The following SLU7 variants were observed in gnomAD, a reference collection of about 807,000 sequenced individuals.
The protein encoded by SLU7 is spliceosome associated SLU7.
SLU7 carries 60 observed loss-of-function variants against 87.0 expected under a neutral mutation model. That is an observed-to-expected ratio of 0.69 (90% CI 0.56 to 0.86). The LOEUF (loss-of-function observed/expected upper bound fraction) is 0.86, where lower values mean the gene tolerates loss of function less well. Among genes scored for constraint, SLU7 ranks in the 40% least tolerant of loss-of-function variants. The pLI is 0.00. For synonymous variants in SLU7, 197 were observed against 222.0 expected (o/e 0.89, Z 1.00); for missense variants, 507 against 686.6 (o/e 0.74, Z 2.92).
intron 1 of SLU7, chr5:160,418,625 A>G (rs952846727): frequency 3.3e-5 from 5 of 152,104 alleles, no homozygotes; most frequent in African/African-American, 9.7e-5. Context: ...CCCGCATGAT[A>G]CCCCACTGAA....
chr5:160,404,682 T>C (rs1246454294), intron 14 of SLU7, 126 bp from the exon 15 acceptor site: 2 of 863,064 alleles, frequency 2.3e-6, no homozygotes, highest in South Asian at 3.1e-5. Context: ...GCCCAGACCG[T>C]GCACTGCGCT....
chr5:160,418,066 G>A (rs1201318691), intron 1 of SLU7, among the ~76,000 whole-genome samples: 2 of 152,150 alleles, frequency 1.3e-5, no homozygotes, highest in East Asian at 3.9e-4. Context: ...GGGGGTCTAC[G>A]ATGCTTCTCA....
At chr5:160,418,065 C>T (rs1467273468) in intron 1 of SLU7, among the ~76,000 whole-genome samples, 2 of 152,168 alleles carry the variant, frequency 1.3e-5, no homozygotes, top group South Asian at 2.1e-4. Flanking sequence ...TGGGGGTCTA[C>T]GATGCTTCTC....
intron 6 of SLU7, among the ~76,000 whole-genome samples, chr5:160,409,467 T>TATATATATATA (rs1202902589): frequency 2.6e-5 from 4 of 152,192 alleles, no homozygotes; most frequent in African/African-American, 4.8e-5. Flanking sequence ...AACACGTGTA[T>TATATATATATA]GTATATATAC....
intron 1 of SLU7, among the ~76,000 whole-genome samples, chr5:160,416,950 TC>T (rs1219865296): frequency 1.3e-5 from 2 of 152,176 alleles, no homozygotes; most frequent in African/African-American, 4.8e-5. Context: ...CATACTGTTC[TC>T]CTGGTAATGA....
At chr5:160,404,644 T>G in intron 14 of SLU7, 88 bp from the exon 15 acceptor site, 1 of 1,000,956 alleles carries the variant, frequency 1.0e-6, no homozygotes, top group East Asian at 2.5e-5. Context: ...AAGAATCACT[T>G]GAACCCAGGA....
intron 6 of SLU7, among the ~76,000 whole-genome samples, chr5:160,411,145 C>T (rs1366948710): frequency 2.0e-5 from 3 of 151,786 alleles, no homozygotes; most frequent in South Asian, 2.1e-4. Context: ...GGATTATAGG[C>T]GTCAGCCACC....
chr5:160,403,402 C>A lies in SLU7; in HGVS notation c.1644G>T (p.Arg548Ser), dbSNP rs1180598576. Reference sequence around the variant, plus strand: ...CATACATGCTATTGTAAGGCCGCTTCCTCTCATCAATCTGCATGGTCTCCT... The same window carrying A: ...CATACATGCTATTGTAAGGCCGCTTACTCTCATCAATCTGCATGGTCTCCT... Reference protein sequence around the residue: ...HVKETMQIDERKRPYNSMYET... With the variant: ...HVKETMQIDESKRPYNSMYET... The change falls in exon 16 of 16, where the codon AGG becomes AGT. Residue 548 changes from arginine to serine, a missense_variant. Transcript: ENST00000297151. 1.9e-6 allele frequency: 3 copies of A among 1,613,232 alleles called. No homozygotes were observed. Among genetic ancestry groups the A allele is most frequent in the Non-Finnish European group, 2.5e-6 (3 of 1,179,760 alleles).
At chr5:160,414,100 A>G in intron 3 of SLU7, 121 bp from the exon 4 acceptor site, 1 of 704,752 alleles carries the variant, frequency 1.4e-6, no homozygotes, top group Non-Finnish European at 2.3e-6. Flanking sequence ...AATAAGTTAG[A>G]GTCTCCACAC....
intron 7 of SLU7, 74 bp downstream of exon 7, chr5:160,408,575 AT>A (rs1435615757): frequency 1.4e-6 from 2 of 1,394,002 alleles, no homozygotes; most frequent in Non-Finnish European, 2.0e-6. Flanking sequence ...AAAAGCTATT[AT>A]TAGTGTTATT....
chr5:160,416,742 G>A (rs954133810), intron 1 of SLU7, among the ~76,000 whole-genome samples: 4 of 152,080 alleles, frequency 2.6e-5, no homozygotes, highest in Non-Finnish European at 4.4e-5. Flanking sequence ...CTACTTACTG[G>A]ACTCTTCTGA....
rs754819552 is a variant in SLU7 at position 160,404,809 on chromosome 5, C to T, written c.1464G>A (p.Glu488=). Residue 488 remains glutamate, a splice_region_variant and synonymous_variant, in exon 14 of 16, where the codon GAG becomes GAA. Coordinates refer to ENST00000297151, the MANE Select transcript of SLU7 (RefSeq NM_006425.5). ...ESVKKPQTLM[E]LHQEKLKEEK... ...TCAGGACAAATGATTATCAACTTAC[C>T]TCCATGAGGGTTTGAGGTTTTTTCA... 5 of 1,600,792 alleles carry T rather than the reference C, an allele frequency of 3.1e-6. No homozygotes were observed. The highest frequency in any genetic ancestry group is 2.2e-5 in the East Asian group (1 of 44,832).
intron 5 of SLU7, 31 bp from the exon 6 acceptor site, chr5:160,412,550 GA>G: frequency 2.1e-6 from 2 of 949,290 alleles, no homozygotes; most frequent in Non-Finnish European, 2.9e-6. Flanking sequence ...AAGAAAGAAA[GA>G]AAAAGTAAAC....
At position 160,401,695 on chromosome 5, in the gene SLU7, G is replaced by A. The variant is rs1030122197; in HGVS notation, c.*1590C>T. Reference sequence around the variant, plus strand: ...TTTAACAAAAGATAAAATACAAAACGGACACAACATCAGCCTTTATGTTGA... The same window carrying A: ...TTTAACAAAAGATAAAATACAAAACAGACACAACATCAGCCTTTATGTTGA... On this transcript the variant is annotated 3_prime_UTR_variant, in exon 16 of 16. Coordinates refer to ENST00000297151, the MANE Select transcript of SLU7 (RefSeq NM_006425.5). 1.3e-5 allele frequency: 2 copies of A among 152,072 alleles called. No homozygotes were observed. Among genetic ancestry groups the A allele is most frequent in the African/African-American group, 2.4e-5 (1 of 41,392 alleles). 9.4% of individuals were successfully genotyped at this position (152,072 alleles called of 1,614,324 possible). A position where few individuals can be genotyped will look rare whatever the true frequency, so the allele number is the denominator to read the frequency against.
chr5:160,406,978 T>G (rs774660568), intron 11 of SLU7, among the ~76,000 whole-genome samples: 3 of 152,218 alleles, frequency 2.0e-5, no homozygotes, highest in Non-Finnish European at 2.9e-5. Context: ...CTTTGACCAA[T>G]GAAAGTTGGC....
chr5:160,417,785 A>G (rs1364562995), intron 1 of SLU7, among the ~76,000 whole-genome samples: 3 of 89,602 alleles, frequency 3.3e-5, no homozygotes, highest in Non-Finnish European at 7.2e-5. Context: ...GAGCTAGACT[A>G]CGTCTCAAAA....
At position 160,414,316 on chromosome 5, in the gene SLU7, T is replaced by C. The variant is rs754519978; in HGVS notation, c.324+3A>G. On this transcript the variant is annotated splice_donor_region_variant and intron_variant, in intron 3 of 15. Transcript: ENST00000297151. ...TGAAGATGTATACAGGTTGCCTACA[T>C]ACCTCTTTTACACCCCTCTTGTACC... 22 of 1,593,340 alleles carry C rather than the reference T, an allele frequency of 1.4e-5. No homozygotes were observed. In the South Asian group the frequency reaches 2.5e-4, roughly 18 times the overall value.
At chr5:160,404,721 T>C in intron 14 of SLU7, 88 bp downstream of exon 14, 1 of 1,018,666 alleles carries the variant, frequency 9.8e-7, no homozygotes, top group Non-Finnish European at 1.5e-6. Flanking sequence ...TGAGATTCTG[T>C]TTCAAAAGAA....
chr5:160,413,475 T>C lies in SLU7; in HGVS notation c.551A>G (p.Glu184Gly), dbSNP rs1469586128. 1.9e-6 allele frequency: 3 copies of C among 1,613,400 alleles called. No individual in the cohort carries two copies. Among genetic ancestry groups the C allele is most frequent in the East Asian group, 2.2e-5 (1 of 44,870 alleles). The change falls in exon 5 of 16, where the codon GAG becomes GGG. Residue 184 changes from glutamate to glycine, a missense_variant. Physicochemically the swap from Glu to Gly is moderately conservative, Grantham distance 98. Transcript: ENST00000297151. The stretch of plus-strand genomic sequence containing the variant: ...GCTCACCAAATCAACTTTGGCATAC[T>C]CTTCAACAATTTTCATGTGTTCTTC... ...NPEEHMKIVE[E>G]YAKVDLAKRT... is the part of the protein sequence containing the mutation.
Sources: gnomAD v4.1 joint callset for allele counts (sites outside exome capture counted in the v4.1 genomes callset) on GRCh38, gnomAD v4.1.1 for gene constraint, MANE v1.5 for transcripts, NCBI Gene and HGNC (gene_info 2026-07-23, HGNC 2026-07-21) for gene names.